The following SYT7 variants were observed in gnomAD, a reference collection of about 807,000 sequenced individuals.
The protein encoded by SYT7 is synaptotagmin-7.
A neutral mutation model predicts 75.1 loss-of-function variants in SYT7; 29 were observed. The observed-to-expected ratio is 0.39, with a 90% confidence interval of 0.29 to 0.53. The LOEUF (loss-of-function observed/expected upper bound fraction) is 0.53, where lower values mean the gene tolerates loss of function less well. Among genes scored for constraint, SYT7 ranks in the 20% least tolerant of loss-of-function variants. The pLI is 0.77. For missense variants in SYT7, 693 were observed against 953.2 expected (o/e 0.73, Z 3.59); for synonymous variants, 376 against 401.7 (o/e 0.94, Z 0.76).
chr11:61,523,938 T>A lies in SYT7; in HGVS notation c.1645A>T (p.Ser549Cys). The A allele has an allele frequency of 6.2e-7, 1 of 1,613,706 alleles. No homozygotes were observed. Among genetic ancestry groups the A allele is most frequent in the Non-Finnish European group, 8.5e-7 (1 of 1,179,790 alleles). Reference protein sequence around the residue: ...DLKPCSDGSGSRGELLLSLCY... With the variant: ...DLKPCSDGSGCRGELLLSLCY... ...AGAGACAAGAGCAGCTCCCCTCGGC[T>A]CCCCTGGGAGGCACGACAGGAGGGG... Residue 549 changes from serine to cysteine, a missense_variant, in exon 11 of 13, where the codon AGC (serine) becomes TGC (cysteine). Coordinates refer to ENST00000539008, the MANE Select transcript of SYT7 (RefSeq NM_001365809.2). This position sits in a 1 kb window ranked among gnomAD's most constrained non-coding sequence, Gnocchi z 5.0.
intron 1 of SYT7, among the ~76,000 whole-genome samples, chr11:61,571,432 C>T (rs780732730): frequency 1.2e-4 from 18 of 152,258 alleles, no homozygotes; most frequent in African/African-American, 4.3e-4. Flanking sequence ...CACATATACA[C>T]GTGTTCCCGT....
At chr11:61,540,563 C>A in intron 6 of SYT7, 1 of 985,550 alleles carries the variant, frequency 1.0e-6, no homozygotes, top group Non-Finnish European at 1.2e-6. Flanking sequence ...GAGACTTGTC[C>A]TGGGGCACAG....
upstream of SYT7, among the ~76,000 whole-genome samples, chr11:61,584,141 G>C (rs1188437999): frequency 6.6e-6 from 1 of 152,128 alleles, no homozygotes; most frequent in Non-Finnish European, 1.5e-5. Flanking sequence ...TGTAATCCCA[G>C]CACTTTGGGA....
At chr11:61,540,107 TA>T (rs2062997629) in intron 6 of SYT7, 1 of 152,228 alleles carries the variant, frequency 6.6e-6, no homozygotes, top group Non-Finnish European at 1.5e-5. Flanking sequence ...CTCCTCTGCA[TA>T]AATTCCCGAT....
rs1300780403 is a variant in SYT7 at position 61,553,588 on chromosome 11, G to C, written c.136-2125C>G. Among the ~76,000 whole-genome samples the C allele has an allele frequency of 1.3e-5, 2 of 152,232 alleles. No homozygotes were observed. The highest frequency in any genetic ancestry group is 4.8e-5 in the African/African-American group (2 of 41,466). ...CTTCGACTATTGCTCTGCAGCAGGA[G>C]CCGAGGTGCTATGGGGGACAGGAAC... On this transcript the variant is annotated intron_variant, in intron 2 of 12. Coordinates refer to ENST00000539008, the MANE Select transcript of SYT7 (RefSeq NM_001365809.2). This position sits in a 1 kb window ranked among gnomAD's most constrained non-coding sequence, Gnocchi z 5.2.
At chr11:61,582,132 A>C (rs539742551), upstream of SYT7, among the ~76,000 whole-genome samples, 4 of 151,136 alleles carry the variant, frequency 2.6e-5, no homozygotes, top group Non-Finnish European at 5.9e-5. Context: ...CCACACACAC[A>C]CCCACACAGA....
chr11:61,537,729 G>A (rs1229840943), intron 7 of SYT7, among the ~76,000 whole-genome samples: 2 of 152,182 alleles, frequency 1.3e-5, no homozygotes, highest in Non-Finnish European at 2.9e-5. Context: ...GGGGATGAGG[G>A]AGAACGGGCT....
Position 61,551,606 on chromosome 11 carries a change from C to CG in SYT7, c.136-144dup. The CG allele has an allele frequency of 1.2e-6, 1 of 804,438 alleles. No homozygotes were observed. Among genetic ancestry groups the CG allele is most frequent in the South Asian group, 1.7e-5 (1 of 58,812 alleles). 49.8% of individuals were successfully genotyped at this position (804,438 alleles called of 1,614,324 possible). A position where few individuals can be genotyped will look rare whatever the true frequency, so the allele number is the denominator to read the frequency against. On this transcript the variant is annotated intron_variant, in intron 2 of 12. Coordinates refer to ENST00000539008, the MANE Select transcript of SYT7 (RefSeq NM_001365809.2). The surrounding 1 kb of genome is among the most constrained non-coding windows in gnomAD (Gnocchi z 5.3). ...CAGGACCAGTGTGCGAGGCTGTCAC[C>CG]GCGGTGGGGGCCAATCCCCTGGATG...
chr11:61,565,541 G>A (rs747581774), intron 1 of SYT7, among the ~76,000 whole-genome samples: 2 of 152,196 alleles, frequency 1.3e-5, no homozygotes, highest in Non-Finnish European at 2.9e-5. Context: ...CCACCCACCT[G>A]GGGAACAGGG....
intron 5 of SYT7, among the ~76,000 whole-genome samples, chr11:61,543,645 G>T (rs1395774138): frequency 2.6e-5 from 4 of 152,220 alleles, no homozygotes; most frequent in Non-Finnish European, 5.9e-5. Context: ...CTCTGTCACA[G>T]AATTGCCATG....
intron 8 of SYT7, among the ~76,000 whole-genome samples, chr11:61,532,680 G>T (rs2062746166): frequency 6.6e-6 from 1 of 152,108 alleles, no homozygotes; most frequent in African/African-American, 2.4e-5. Flanking sequence ...GTTTTCTTTG[G>T]CCCCTTCTCA....
intron 1 of SYT7, among the ~76,000 whole-genome samples, chr11:61,572,989 G>T (rs2135435507): frequency 6.6e-6 from 1 of 152,362 alleles, no homozygotes; most frequent in Non-Finnish European, 1.5e-5. Flanking sequence ...CGTTTGCCTT[G>T]GGATGACCCC....
Position 61,524,235 on chromosome 11 carries a change from C to T in SYT7, c.1641+128G>A, listed in dbSNP as rs1257362920. ...ACTGCTAGCGAGGGCTGAGCTCCAT[C>T]GGGTCCACCCATCTGCACCCTCTCC... On this transcript the variant is annotated intron_variant, in intron 10 of 12. Transcript: ENST00000539008. The surrounding 1 kb of genome is among the most constrained non-coding windows in gnomAD (Gnocchi z 4.1). The T allele has an allele frequency of 1.8e-5, 21 of 1,145,454 alleles. No homozygotes were observed. The East Asian group carries it at 3.3e-4, about 18-fold the overall frequency. The allele number at this position is 1,145,454 out of a possible 1,614,324, so 71.0% of individuals were successfully genotyped here. A position where few individuals can be genotyped will look rare whatever the true frequency, so the allele number is the denominator to read the frequency against.
intron 6 of SYT7, chr11:61,540,169 G>A (rs934952886): frequency 1.3e-5 from 2 of 152,164 alleles, no homozygotes; most frequent in South Asian, 2.1e-4. Context: ...TGAGGGGCAC[G>A]GGCTGGAGAG....
chr11:61,547,123 G>T, intron 4 of SYT7, 54 bp downstream of exon 4: 1 of 1,523,374 alleles, frequency 6.6e-7, no homozygotes, highest in Non-Finnish European at 8.8e-7. Flanking sequence ...AGGAGGGAAG[G>T]AGGGCGTGCG....
chr11:61,587,555 G>GCCACCC, the SYT7 span, among the ~76,000 whole-genome samples: 697 of 152,328 alleles, frequency 4.6e-3, 8 homozygotes, highest in African/African-American at 0.016. Context: ...CCCCACCCCA[G>GCCACCC]CCAGCACCAC....
intron 3 of SYT7, among the ~76,000 whole-genome samples, chr11:61,550,315 A>G (rs1214396449): frequency 6.7e-6 from 1 of 149,934 alleles, no homozygotes; most frequent in Non-Finnish European, 1.5e-5. Flanking sequence ...GGGAGCCCTC[A>G]GGAGCGGGGT....
chr11:61,534,907 C>G (rs892503173), intron 7 of SYT7, among the ~76,000 whole-genome samples: 2 of 152,164 alleles, frequency 1.3e-5, no homozygotes, highest in African/African-American at 4.8e-5. Context: ...AGGAAAGGAG[C>G]CCGAAACAGC....
chr11:61,527,850 G>A, intron 9 of SYT7, 65 bp downstream of exon 9: 15 of 1,581,974 alleles, frequency 9.5e-6, no homozygotes, highest in South Asian at 2.3e-5. Context: ...CACAAGTGTG[G>A]TTGGGTAGGG....
Sources: allele counts gnomAD v4.1 joint callset (sites outside exome capture counted in the v4.1 genomes callset), GRCh38; gene constraint gnomAD v4.1.1; non-coding constraint Gnocchi (gnomAD v3.1); transcripts MANE v1.5; gene names NCBI Gene and HGNC (gene_info 2026-07-23, HGNC 2026-07-21).